Variants in MIGA2 observed in about 807,000 individuals in gnomAD.
The protein encoded by MIGA2 is family with sequence similarity 73, member B.
In MIGA2, 36 loss-of-function variants were observed where a neutral mutation model predicts 69.9. The ratio of observed to expected loss-of-function variants is 0.52; its 90% confidence interval spans 0.39 to 0.68. MIGA2 has a LOEUF of 0.68. Ranked by LOEUF, MIGA2 falls within the 30% of genes least tolerant of loss-of-function variation. MIGA2 has a pLI of 0.00. For synonymous variants in MIGA2, 333 were observed against 349.2 expected (o/e 0.95, Z 0.52); for missense variants, 660 against 787.7 (o/e 0.84, Z 1.94).
In MIGA2 at chr9:129,068,067, A is replaced by AGCGGGAAAG. The variant is rs781719872; in HGVS notation, c.1270-130_1270-122dup. On this transcript the variant is annotated intron_variant, in intron 12 of 15. Transcript: ENST00000684074. The surrounding 1 kb of genome is among the most constrained non-coding windows in gnomAD (Gnocchi z 4.1). ...CTCAGCTACACCCGTTGCACAGCAG[A>AGCGGGAAAG]GCGGGAAAGACGTGTCCCCCCCACG... 1 of 1,388,872 alleles carries AGCGGGAAAG rather than the reference A, an allele frequency of 7.2e-7. No individual in the cohort carries two copies. Among genetic ancestry groups the AGCGGGAAAG allele is most frequent in the South Asian group, 1.2e-5 (1 of 83,582 alleles). 86.0% of individuals were successfully genotyped at this position (1,388,872 alleles called of 1,614,324 possible). A position where few individuals can be genotyped will look rare whatever the true frequency, so the allele number is the denominator to read the frequency against.
At chr9:129,036,851 G>T (rs1199287251) in intron 1 of MIGA2, 170 bp downstream of exon 1, 1 of 780,020 alleles carries the variant, frequency 1.3e-6, no homozygotes, top group East Asian at 1.3e-4. Flanking sequence ...AGGGTGCCTT[G>T]CTTGGGAGCG....
In MIGA2 at chr9:129,059,096, G is replaced by A; in HGVS notation, c.676-58G>A. 6.7e-7 allele frequency: 1 copy of A among 1,501,104 alleles called. No individual in the cohort carries two copies. The highest frequency in any genetic ancestry group is 9.3e-7 in the Non-Finnish European group (1 of 1,079,260). The allele number at this position is 1,501,104 out of a possible 1,614,324, so 93.0% of individuals were successfully genotyped here. A position where few individuals can be genotyped will look rare whatever the true frequency, so the allele number is the denominator to read the frequency against. ...CCAGGGACCTGGGGGTGAGGGAAGGGGCCATTTTCATCGGGAGCTTTGAGG... is the reference window on the plus strand; with the variant it reads ...CCAGGGACCTGGGGGTGAGGGAAGGAGCCATTTTCATCGGGAGCTTTGAGG... On this transcript the variant is annotated intron_variant, in intron 6 of 15. Coordinates refer to ENST00000684074, the MANE Select transcript of MIGA2 (RefSeq NM_001329990.2). This position sits in a 1 kb window ranked among gnomAD's most constrained non-coding sequence, Gnocchi z 5.6.
rs1353878545 is a variant in MIGA2 at position 129,050,014 on chromosome 9, C to T, written c.675+51C>T. 5 of 1,574,114 alleles carry T rather than the reference C, an allele frequency of 3.2e-6. No individual in the cohort carries two copies. The African/African-American group carries it at 6.8e-5, about 21-fold the overall frequency. ...CGCCCATGGGATAAAGTTGGCAGCA[C>T]AGGAGAGGGGCGGCCACACCTTGGG... On this transcript the variant is annotated intron_variant, in intron 6 of 15. Coordinates refer to ENST00000684074, the MANE Select transcript of MIGA2 (RefSeq NM_001329990.2).
intron 3 of MIGA2, among the ~76,000 whole-genome samples, chr9:129,042,741 T>G (rs1844984766): frequency 6.6e-6 from 1 of 152,070 alleles, no homozygotes; most frequent in East Asian, 1.9e-4. Context: ...TGGTTTTGGT[T>G]GTTCTCATTA....
Position 129,071,431 on chromosome 9 carries a change from C to G in MIGA2, c.*978C>G, listed in dbSNP as rs1381938214. 1 of 152,288 alleles carries G rather than the reference C, an allele frequency of 6.6e-6. No homozygotes were observed. The highest frequency in any genetic ancestry group is 2.4e-5 in the African/African-American group (1 of 41,440). The allele number at this position is 152,288 out of a possible 1,614,324, so 9.4% of individuals were successfully genotyped here. A position where few individuals can be genotyped will look rare whatever the true frequency, so the allele number is the denominator to read the frequency against. On this transcript the variant is annotated 3_prime_UTR_variant, in exon 16 of 16. Coordinates refer to ENST00000684074, the MANE Select transcript of MIGA2 (RefSeq NM_001329990.2). ...AGAGAGTCCTGTTAGCAGCGACGTCCCCCCGCCGCGGGGTCCTGTCAGCCC... is the reference window on the plus strand; with the variant it reads ...AGAGAGTCCTGTTAGCAGCGACGTCGCCCCGCCGCGGGGTCCTGTCAGCCC...
At position 129,049,768 on chromosome 9, in the gene MIGA2, C is replaced by T. The variant is rs146763883; in HGVS notation, c.539-59C>T. ...TCCTGCCTCCTTGATGTTCTGAGCC[C>T]CCTCTTGGGTGAGACTGTGGAGGTG... is the stretch of plus-strand genomic sequence containing the variant. On this transcript the variant is annotated intron_variant, in intron 5 of 15. Coordinates refer to ENST00000684074, the MANE Select transcript of MIGA2 (RefSeq NM_001329990.2). 8.4e-4 allele frequency: 1,354 copies of T among 1,608,796 alleles called. 19 individuals are homozygous for T. In the South Asian group the frequency reaches 0.012, roughly 15 times the overall value.
intron 2 of MIGA2, among the ~76,000 whole-genome samples, chr9:129,041,960 A>G (rs1844929215): frequency 6.6e-6 from 1 of 152,156 alleles, no homozygotes; most frequent in African/African-American, 2.4e-5. Context: ...TCGTCTGGAA[A>G]TGACAGGGAC....
intron 3 of MIGA2, among the ~76,000 whole-genome samples, chr9:129,043,838 C>T (rs1217061785): frequency 2.0e-4 from 30 of 151,718 alleles, no homozygotes; most frequent in South Asian, 6.3e-4. Flanking sequence ...GTAGCTGGGA[C>T]AACAGGTGCG....
At chr9:129,065,038 C>G (rs1299665758) in intron 11 of MIGA2, among the ~76,000 whole-genome samples, 1 of 152,040 alleles carries the variant, frequency 6.6e-6, no homozygotes, top group East Asian at 1.9e-4. Flanking sequence ...CCTCCTTGGC[C>G]TCCCAAAGTG....
At chr9:129,066,591 A>G (rs1369284360) in intron 11 of MIGA2, among the ~76,000 whole-genome samples, 84 of 132,430 alleles carry the variant, frequency 6.3e-4, no homozygotes, top group South Asian at 3.5e-3. Flanking sequence ...GGAGAATGGC[A>G]TGAACCCAGG....
chr9:129,064,397 C>T (rs1247421609), intron 11 of MIGA2, among the ~76,000 whole-genome samples: 2 of 151,856 alleles, frequency 1.3e-5, no homozygotes, highest in Admixed American at 1.3e-4. Flanking sequence ...TTAGTAGAGA[C>T]AGGGTTTCAC....
chr9:129,068,991 G>T lies in MIGA2; in HGVS notation c.1405-85G>T. 1 of 1,530,142 alleles carries T rather than the reference G, an allele frequency of 6.5e-7. No homozygotes were observed. Among genetic ancestry groups the T allele is most frequent in the South Asian group, 1.1e-5 (1 of 89,142 alleles). The allele number at this position is 1,530,142 out of a possible 1,614,324, so 94.8% of individuals were successfully genotyped here. Reference sequence around the variant, plus strand: ...TTGGAGTGGGGTGAGCTGGGTTTAAGGGCTTGGTGCTGGGCTGGCAGAGGG... The same window carrying T: ...TTGGAGTGGGGTGAGCTGGGTTTAATGGCTTGGTGCTGGGCTGGCAGAGGG... On this transcript the variant is annotated intron_variant, in intron 13 of 15. Transcript: ENST00000684074. The surrounding 1 kb of genome is among the most constrained non-coding windows in gnomAD (Gnocchi z 4.1).
In MIGA2 at chr9:129,059,325, G is replaced by A; in HGVS notation, c.793+54G>A. 7.2e-7 allele frequency: 1 copy of A among 1,397,610 alleles called. No homozygotes were observed. The highest frequency in any genetic ancestry group is 9.9e-7 in the Non-Finnish European group (1 of 1,012,402). 86.6% of individuals were successfully genotyped at this position (1,397,610 alleles called of 1,614,324 possible). A position where few individuals can be genotyped will look rare whatever the true frequency, so the allele number is the denominator to read the frequency against. On this transcript the variant is annotated intron_variant, in intron 7 of 15. Transcript: ENST00000684074. The surrounding 1 kb of genome is among the most constrained non-coding windows in gnomAD (Gnocchi z 5.6). ...GGCGTGGAGGGTGGCAGGGATGGAG[G>A]TGAGGAGAAGTTGCGAGAACCGGGT...
intron 3 of MIGA2, among the ~76,000 whole-genome samples, chr9:129,042,876 TC>T (rs1375342995): frequency 6.6e-6 from 1 of 152,058 alleles, no homozygotes; most frequent in Non-Finnish European, 1.5e-5. Context: ...GATGCAGTAT[TC>T]CTCCCATTCC....
At chr9:129,063,112 C>T in intron 9 of MIGA2, 132 bp from the exon 10 acceptor site, 1 of 851,048 alleles carries the variant, frequency 1.2e-6, no homozygotes, top group Non-Finnish European at 1.9e-6. Flanking sequence ...AGCCAGAGGC[C>T]ACACTGCCAG....
chr9:129,043,018 C>CCCCGT (rs993811373), intron 3 of MIGA2, among the ~76,000 whole-genome samples: 6 of 152,060 alleles, frequency 3.9e-5, no homozygotes, highest in African/African-American at 1.4e-4. Flanking sequence ...CACGGTGAAA[C>CCCCGT]CCCGTCTCTA....
chr9:129,053,017 A>G (rs533728050), intron 6 of MIGA2, among the ~76,000 whole-genome samples: 1 of 152,320 alleles, frequency 6.6e-6, no homozygotes, highest in Admixed American at 6.5e-5. Context: ...TAGAATTTGC[A>G]TTGTTTTCCT....
At chr9:129,045,437 G>A (rs1487854663) in intron 3 of MIGA2, among the ~76,000 whole-genome samples, 5 of 96,988 alleles carry the variant, frequency 5.2e-5, no homozygotes, top group Non-Finnish European at 9.1e-5. Flanking sequence ...GTAAGACTCT[G>A]TCTCAAAAAA....
rs1456228787 is a variant in MIGA2, at chr9:129,049,391, T to C, written c.431T>C (p.Val144Ala). Reference sequence around the variant, plus strand: ...CTGATTGGCGCCCAGATGATGGCAGTGAACTCATCCAGCCCCACAGCCGCG... The same window carrying C: ...CTGATTGGCGCCCAGATGATGGCAGCGAACTCATCCAGCCCCACAGCCGCG... Reference protein sequence around the residue: ...SSHSVASMMAVNSSSPTAACS... With the variant: ...SSHSVASMMAANSSSPTAACS... The change falls in exon 5 of 16, where the codon GTG (valine) becomes GCG (alanine). Residue 144 changes from valine (V) to alanine (A), a missense_variant. Around this residue, in one of 3 missense-constraint regions of MIGA2, gnomAD observed 386 missense variants for 402.0 expected, o/e 0.96. Transcript: ENST00000684074. 6.2e-7 allele frequency: 1 copy of C among 1,613,360 alleles called. No individual in the cohort carries two copies. Among genetic ancestry groups the C allele is most frequent in the African/African-American group, 1.3e-5 (1 of 75,020 alleles).
Sources: allele counts gnomAD v4.1 joint callset (sites outside exome capture counted in the v4.1 genomes callset), GRCh38; gene constraint gnomAD v4.1.1; regional missense constraint gnomAD v4.1.1; non-coding constraint Gnocchi (gnomAD v3.1); transcripts MANE v1.5; gene names NCBI Gene and HGNC (gene_info 2026-07-23, HGNC 2026-07-21).